The following SDHAF4 variants were observed in gnomAD, a reference collection of about 807,000 sequenced individuals.
The protein encoded by SDHAF4 is succinate dehydrogenase complex assembly factor 4.
SDHAF4 carries 14 observed loss-of-function variants against 14.3 expected under a neutral mutation model. The ratio of observed to expected loss-of-function variants is 0.98; its 90% CI spans 0.65 to 1.53. The LOEUF is 1.53. Among genes scored for constraint, SDHAF4 ranks in the 40% most tolerant of loss-of-function variants. SDHAF4 has a pLI of 0.00. For synonymous variants in SDHAF4, 63 were observed against 47.3 expected (o/e 1.33, Z -1.36); for missense variants, 141 against 129.3 (o/e 1.09, Z -0.44).
At chr6:70,574,148 C>T (rs915130622) in intron 1 of SDHAF4, among the ~76,000 whole-genome samples, 1 of 150,674 alleles carries the variant, frequency 6.6e-6, no homozygotes, top group African/African-American at 2.4e-5. Context: ...TGGTGAAACC[C>T]CATCTCTACT....
downstream of SDHAF4, among the ~76,000 whole-genome samples, chr6:70,593,233 G>A (rs1463289133): frequency 6.6e-6 from 1 of 152,248 alleles, no homozygotes; most frequent in Non-Finnish European, 1.5e-5. Context: ...TTGGCGACCT[G>A]CACATGCTGC....
At chr6:70,572,649 G>T (rs1440435686) in intron 1 of SDHAF4, among the ~76,000 whole-genome samples, 3 of 147,506 alleles carry the variant, frequency 2.0e-5, no homozygotes, top group East Asian at 3.9e-4. Context: ...ATTTTCCGTG[G>T]TTTTTTTTTT....
chr6:70,567,070 C>G lies in SDHAF4; in HGVS notation c.64+66C>G. The stretch of plus-strand genomic sequence containing the variant: ...GTGAAGGCCCAGGCGCAGAGAGAAG[C>G]GCCTCCCGCGGAGGAAGCCGCGTGT... On this transcript the variant is annotated intron_variant, in intron 1 of 2. Transcript: ENST00000370474. 4 of 1,457,568 alleles carry G rather than the reference C, an allele frequency of 2.7e-6. No individual in the cohort carries two copies. In the South Asian group the frequency reaches 3.7e-5, roughly 13 times the overall value. The allele number at this position is 1,457,568 out of a possible 1,614,324, so 90.3% of individuals were successfully genotyped here. A position where few individuals can be genotyped will look rare whatever the true frequency, so the allele number is the denominator to read the frequency against.
chr6:70,587,057 G>C (rs1366498556), intron 2 of SDHAF4, among the ~76,000 whole-genome samples: 1 of 152,054 alleles, frequency 6.6e-6, no homozygotes, highest in African/African-American at 2.4e-5. Context: ...TGTAATCCCA[G>C]CTACTCGAGA....
At chr6:70,569,186 G>A (rs1453187279) in intron 1 of SDHAF4, among the ~76,000 whole-genome samples, 3 of 151,302 alleles carry the variant, frequency 2.0e-5, no homozygotes, top group East Asian at 3.9e-4. Flanking sequence ...GGATGGTCTC[G>A]ATCTCCTGAC....
At chr6:70,594,986 A>G in the SDHAF4 span, among the ~76,000 whole-genome samples, 1 of 152,058 alleles carries the variant, frequency 6.6e-6, no homozygotes, top group Non-Finnish European at 1.5e-5. Flanking sequence ...CAGAAAATGG[A>G]CTAAGACAGT....
intron 1 of SDHAF4, among the ~76,000 whole-genome samples, chr6:70,573,939 G>A (rs192056357): frequency 9.9e-4 from 150 of 151,880 alleles, no homozygotes; most frequent in South Asian, 2.3e-3. Context: ...GCCTCCCAAA[G>A]TGCTGGAATT....
At chr6:70,569,401 T>C (rs1802151798) in intron 1 of SDHAF4, among the ~76,000 whole-genome samples, 1 of 152,204 alleles carries the variant, frequency 6.6e-6, no homozygotes, top group Non-Finnish European at 1.5e-5. Flanking sequence ...CCCAAGTAGC[T>C]GGTATTACAG....
chr6:70,568,955 CTTTTTTCTTTT>C (rs1279831170), intron 1 of SDHAF4, among the ~76,000 whole-genome samples: 13 of 99,476 alleles, frequency 1.3e-4, no homozygotes, highest in Non-Finnish European at 2.5e-4. Context: ...ATACCTCTTT[CTTTTTTCTTTT>C]TTTTTTTTTT....
At chr6:70,589,946 T>G (rs9446271), downstream of SDHAF4, among the ~76,000 whole-genome samples, 66,825 of 151,980 alleles carry the variant, frequency 0.44, 15,238 homozygotes, top group Middle Eastern at 0.55. Flanking sequence ...GTACTGAGAT[T>G]TATTGCAAAG....
At chr6:70,571,736 T>A (rs1471943428) in intron 1 of SDHAF4, among the ~76,000 whole-genome samples, 1 of 152,230 alleles carries the variant, frequency 6.6e-6, no homozygotes, top group East Asian at 1.9e-4. Context: ...TGAGGGTTTG[T>A]TACAACTCAC....
chr6:70,567,978 C>T (rs953407549), intron 1 of SDHAF4, among the ~76,000 whole-genome samples: 13 of 152,214 alleles, frequency 8.5e-5, no homozygotes, highest in African/African-American at 3.1e-4. Flanking sequence ...AGCCACCGCG[C>T]CCGGTCCGCA....
intron 1 of SDHAF4, among the ~76,000 whole-genome samples, chr6:70,573,873 A>G (rs1262875058): frequency 1.5e-4 from 23 of 151,200 alleles, no homozygotes; most frequent in African/African-American, 4.8e-4. Context: ...ATGGGGTTCC[A>G]CCTTATTGGC....
rs770114209 is a variant in SDHAF4, at chr6:70,566,961, C to T, written c.21C>T (p.Pro7=). 3.8e-6 allele frequency: 6 copies of T among 1,592,108 alleles called. No homozygotes were observed. The highest frequency in any genetic ancestry group is 1.1e-5 in the South Asian group (1 of 87,346). The change falls in exon 1 of 3, where the codon CCC becomes CCT. Residue 7 remains proline, a synonymous_variant. Transcript: ENST00000370474. ...GCGCCATGACCCCATCGAGGCTTCC[C>T]TGGTTGCTTAGCTGGGTCTCGGCCA... The part of the protein sequence containing the change: MTPSRL[P]WLLSWVSATA...
chr6:70,592,283 G>A (rs1385080672), downstream of SDHAF4, among the ~76,000 whole-genome samples: 1 of 152,222 alleles, frequency 6.6e-6, no homozygotes. Flanking sequence ...TGGATAATGG[G>A]CAAAGATTGG....
intron 1 of SDHAF4, among the ~76,000 whole-genome samples, chr6:70,575,726 T>TGAGA (rs60738760): frequency 0.1 from 15,791 of 151,068 alleles, 2,733 homozygotes; most frequent in African/African-American, 0.36. Context: ...TGTGTGTGTG[T>TGAGA]GAGAGAGAGA....
At chr6:70,593,003 C>T (rs34401692), downstream of SDHAF4, among the ~76,000 whole-genome samples, 26,735 of 152,232 alleles carry the variant, frequency 0.18, 2,496 homozygotes, top group Middle Eastern at 0.24. Context: ...AAGGGACAGG[C>T]CCAGGGCACT....
At chr6:70,584,106 A>T (rs982749652) in intron 2 of SDHAF4, among the ~76,000 whole-genome samples, 1 of 151,146 alleles carries the variant, frequency 6.6e-6, no homozygotes, top group Non-Finnish European at 1.5e-5. Context: ...GCTCACTGCA[A>T]CCTCTGCCTC....
At chr6:70,568,538 G>A (rs937108608) in intron 1 of SDHAF4, among the ~76,000 whole-genome samples, 16 of 152,074 alleles carry the variant, frequency 1.1e-4, no homozygotes, top group African/African-American at 3.9e-4. Context: ...TGACGCATGA[G>A]GTTGTAGTTA....
Sources: allele counts gnomAD v4.1 joint callset (sites outside exome capture counted in the v4.1 genomes callset), GRCh38; gene constraint gnomAD v4.1.1; transcripts MANE v1.5; gene names NCBI Gene and HGNC (gene_info 2026-07-23, HGNC 2026-07-21).